Variants in ZNF780B observed in about 807,000 individuals in gnomAD.
ZNF780B encodes the protein zinc finger protein 780B.
ZNF780B carries 52 observed loss-of-function variants against 74.1 expected under a neutral mutation model. The ratio of observed to expected loss-of-function variants is 0.70; its 90% confidence interval spans 0.56 to 0.88. ZNF780B has a LOEUF of 0.88. ZNF780B is among the 40% of genes least tolerant of loss of function. ZNF780B has a pLI of 0.00. For missense variants in ZNF780B, 953 were observed against 1,007.6 expected (o/e 0.95, Z 0.73); for synonymous variants, 315 against 324.3 (o/e 0.97, Z 0.31).
At chr19:40,036,785 G>A (rs1046269533) in intron 4 of ZNF780B, among the ~76,000 whole-genome samples, 159 bp from the exon 5 acceptor site, 1 of 152,212 alleles carries the variant, frequency 6.6e-6, no homozygotes, top group Non-Finnish European at 1.5e-5. Context: ...TAAGATGGTG[G>A]TGTGCATAAG....
rs1972030932 is a variant in ZNF780B at position 40,032,147 on chromosome 19, A to G, written c.*2210T>C. On this transcript the variant is annotated 3_prime_UTR_variant, in exon 5 of 5. Transcript: ENST00000434248. ...GCCAACAACATTTCTGGGCTACTCA[A>G]AATTCAATGTCATTTTTTTAAAATG... 4.6e-6 allele frequency: 2 copies of G among 436,392 alleles called. No individual in the cohort carries two copies. The highest frequency in any genetic ancestry group is 2.8e-5 in the Admixed American group (1 of 36,062). 27.0% of individuals were successfully genotyped at this position (436,392 alleles called of 1,614,324 possible).
Position 40,036,340 on chromosome 19 carries a change from G to C in ZNF780B, c.519C>G (p.Tyr173Ter), listed in dbSNP as rs982972162. ...KPYECKECGK[Y>*]FSCGSNLIQH... ...GAATAAGATTTGAACCACAACTAAA[G>C]TATTTCCCACATTCCTTACATTCAT... Residue 173 changes from tyrosine to a stop codon, truncating the protein, a stop_gained, in exon 5 of 5, where the codon TAC (tyrosine) becomes TAG (stop). Transcript: ENST00000434248. LOFTEE classifies it high-confidence loss of function. 1 of 1,613,754 alleles carries C rather than the reference G, an allele frequency of 6.2e-7. No homozygotes were observed. The highest frequency in any genetic ancestry group is 8.5e-7 in the Non-Finnish European group (1 of 1,179,904).
intron 4 of ZNF780B, among the ~76,000 whole-genome samples, chr19:40,046,377 T>G (rs2144797798): frequency 6.6e-6 from 1 of 152,302 alleles, no homozygotes; most frequent in South Asian, 2.1e-4. Context: ...CCCATAAATA[T>G]GTACAAATAT....
In ZNF780B at chr19:40,035,761, G is replaced by A. The variant is rs367849717; in HGVS notation, c.1098C>T (p.Cys366=). The A allele has an allele frequency of 1.2e-5, 19 of 1,613,304 alleles. No homozygotes were observed. The highest frequency in any genetic ancestry group is 8.9e-5 in the East Asian group (4 of 44,812). Residue 366 remains cysteine (C), a synonymous_variant, in exon 5 of 5, where the codon TGC becomes TGT. Coordinates refer to ENST00000434248, the MANE Select transcript of ZNF780B (RefSeq NM_001005851.3). ...MGEKPFECRE[C]GKAFSLLNQL... ...GATTGAGGAGACTAAAGGCCTTCCC[G>A]CATTCCCTGCATTCAAAGGGCTTCT...
At chr19:40,048,911 T>A in intron 2 of ZNF780B, 115 bp from the exon 3 acceptor site, 1 of 1,476,766 alleles carries the variant, frequency 6.8e-7, no homozygotes, top group Non-Finnish European at 9.2e-7. Context: ...AATCGCAGAG[T>A]GCCTACACAT....
chr19:40,047,622 G>A (rs1187182943), intron 3 of ZNF780B, 152 bp from the exon 4 acceptor site: 3 of 373,388 alleles, frequency 8.0e-6, no homozygotes, highest in Admixed American at 4.9e-5. Flanking sequence ...GATCAACTAT[G>A]TTTAAAAAAA....
rs747049438 is a variant in ZNF780B at position 40,035,031 on chromosome 19, C to T, written c.1828G>A (p.Glu610Lys). ...LIRHQKFHTG[E>K]KPFECKECGK... Reference sequence around the variant, plus strand: ...CATTCCTTACATTCAAAGGGCTTCTCACCAGTATGAAATTTCTGATGTCGA... The same window carrying T: ...CATTCCTTACATTCAAAGGGCTTCTTACCAGTATGAAATTTCTGATGTCGA... Residue 610 changes from glutamate (E) to lysine (K), a missense_variant, in exon 5 of 5, where the codon GAG (glutamate) becomes AAG (lysine). By Grantham distance (56) the Glu-to-Lys change is moderately conservative (BLOSUM62 1). Coordinates refer to ENST00000434248, the MANE Select transcript of ZNF780B (RefSeq NM_001005851.3). The T allele has an allele frequency of 1.4e-5, 22 of 1,614,042 alleles. No individual in the cohort carries two copies. Among genetic ancestry groups the T allele is most frequent in the Non-Finnish European group, 1.5e-5 (18 of 1,180,020 alleles).
intron 4 of ZNF780B, among the ~76,000 whole-genome samples, chr19:40,038,330 T>C (rs1323777964): frequency 6.6e-6 from 1 of 152,116 alleles, no homozygotes; most frequent in East Asian, 1.9e-4. Context: ...GACATTTGGG[T>C]TGGTTCCAAG....
chr19:40,046,065 T>C (rs1287050276), intron 4 of ZNF780B, among the ~76,000 whole-genome samples: 2 of 151,768 alleles, frequency 1.3e-5, no homozygotes, highest in Non-Finnish European at 2.9e-5. Context: ...AGGTAAAGAA[T>C]AGAATGATAG....
chr19:40,046,169 C>T (rs1403352671), intron 4 of ZNF780B, among the ~76,000 whole-genome samples: 1 of 152,026 alleles, frequency 6.6e-6, no homozygotes, highest in Non-Finnish European at 1.5e-5. Context: ...TGAGGAATGA[C>T]TTCTAATGTT....
rs1351930255 is a variant in ZNF780B at position 40,035,849 on chromosome 19, T to G, written c.1010A>C (p.Glu337Ala). 6.2e-7 allele frequency: 1 copy of G among 1,613,874 alleles called. No individual in the cohort carries two copies. Among genetic ancestry groups the G allele is most frequent in the African/African-American group, 1.3e-5 (1 of 74,860 alleles). The part of the protein sequence containing the change: ...HTGEKPFECK[E>A]CRKAFTLLTK... ...CAGAAGAGTAAAGGCCTTTCTGCATTCTTTACATTCAAAGGGTTTCTCGCC... is the reference window on the plus strand; with the variant it reads ...CAGAAGAGTAAAGGCCTTTCTGCATGCTTTACATTCAAAGGGTTTCTCGCC... Residue 337 changes from glutamate to alanine, a missense_variant, in exon 5 of 5, where the codon GAA becomes GCA. Physicochemically the swap from Glu to Ala is moderately radical, Grantham distance 107. Transcript: ENST00000434248.
chr19:40,050,847 G>C (rs1973193902), intron 1 of ZNF780B, among the ~76,000 whole-genome samples: 1 of 152,252 alleles, frequency 6.6e-6, no homozygotes, highest in South Asian at 2.1e-4. Flanking sequence ...AACTGGAAAG[G>C]ATATAGACAG....
chr19:40,034,619 T>C lies in ZNF780B; in HGVS notation c.2240A>G (p.His747Arg). The C allele has an allele frequency of 1.2e-6, 2 of 1,614,028 alleles. No homozygotes were observed. Among genetic ancestry groups the C allele is most frequent in the Non-Finnish European group, 1.7e-6 (2 of 1,179,986 alleles). The part of the protein sequence containing the change: ...LTQLAQHQII[H>R]TGEKPFKCKE... ...ACATTTAAATGGCTTCTCACCAGTATGAATGATCTGATGTTGAGCAAGCTG... is the reference window on the plus strand; with the variant it reads ...ACATTTAAATGGCTTCTCACCAGTACGAATGATCTGATGTTGAGCAAGCTG... Residue 747 changes from histidine (H) to arginine (R), a missense_variant, in exon 5 of 5, where the codon CAT becomes CGT. Transcript: ENST00000434248.
rs1045500165 is a variant in ZNF780B, at chr19:40,036,111, C to T, written c.748G>A (p.Glu250Lys). Residue 250 changes from glutamate (E) to lysine (K), a missense_variant, in exon 5 of 5, where the codon GAA becomes AAA. Coordinates refer to ENST00000434248, the MANE Select transcript of ZNF780B (RefSeq NM_001005851.3). Reference sequence around the variant, plus strand: ...AAAGACTTCCCACATTCCTTACATTCAAACAGTTTCTTAACTGTGTGAATG... The same window carrying T: ...AAAGACTTCCCACATTCCTTACATTTAAACAGTTTCTTAACTGTGTGAATG... ...KNIHTVKKLF[E>K]CKECGKSFNR... The T allele has an allele frequency of 6.2e-6, 10 of 1,613,594 alleles. No individual in the cohort carries two copies. The highest frequency in any genetic ancestry group is 8.5e-6 in the Non-Finnish European group (10 of 1,179,836).
At position 40,034,319 on chromosome 19, in the gene ZNF780B, T is replaced by C. The variant is rs1388284319; in HGVS notation, c.*38A>G. ...AATGTCCATGAAATTGGTAATGATA[T>C]TGAAAGGCCTTCCCACATTCCTTAC... On this transcript the variant is annotated 3_prime_UTR_variant, in exon 5 of 5. Coordinates refer to ENST00000434248, the MANE Select transcript of ZNF780B (RefSeq NM_001005851.3). 6.6e-7 allele frequency: 1 copy of C among 1,505,272 alleles called. No individual in the cohort carries two copies. The highest frequency in any genetic ancestry group is 1.4e-5 in the African/African-American group (1 of 71,964). The allele number at this position is 1,505,272 out of a possible 1,614,324, so 93.2% of individuals were successfully genotyped here.
chr19:40,054,964 G>A (rs764359882), intron 1 of ZNF780B, among the ~76,000 whole-genome samples: 2 of 152,234 alleles, frequency 1.3e-5, no homozygotes, highest in Non-Finnish European at 2.9e-5. Flanking sequence ...TCCTGACTCT[G>A]GTTGATACCA....
In ZNF780B at chr19:40,036,616, T is replaced by C. The variant is rs1972335292; in HGVS notation, c.243A>G (p.Ser81=). ...GAGATATTTTCTCAGGTCCATATTT[T>C]GACTCCAAATCTGAAAGAAATGAAG... The part of the protein sequence containing the change: ...ETSRWYPDLE[S]KYGPEKISPE... Residue 81 remains serine (S), a synonymous_variant, in exon 5 of 5, where the codon TCA becomes TCG. Transcript: ENST00000434248. 1.3e-6 allele frequency: 2 copies of C among 1,531,324 alleles called. No individual in the cohort carries two copies. The highest frequency in any genetic ancestry group is 4.6e-5 in the East Asian group (2 of 43,628). 94.9% of individuals were successfully genotyped at this position (1,531,324 alleles called of 1,614,324 possible).
In ZNF780B at chr19:40,030,833, T is replaced by C. The variant is rs1971977166; in HGVS notation, c.*3524A>G. 6.6e-6 allele frequency: 1 copy of C among 152,142 alleles called. No homozygotes were observed. Among genetic ancestry groups the C allele is most frequent in the Non-Finnish European group, 1.5e-5 (1 of 68,028 alleles). The allele number at this position is 152,142 out of a possible 1,614,324, so 9.4% of individuals were successfully genotyped here. A position where few individuals can be genotyped will look rare whatever the true frequency, so the allele number is the denominator to read the frequency against. Reference sequence around the variant, plus strand: ...CTAGGTTAATACCCAGGGACTCTGCTGATTTCAAAGAAGAAAGTTCAAGAG... The same window carrying C: ...CTAGGTTAATACCCAGGGACTCTGCCGATTTCAAAGAAGAAAGTTCAAGAG... On this transcript the variant is annotated 3_prime_UTR_variant, in exon 5 of 5. Transcript: ENST00000434248.
chr19:40,030,783 T>A lies in ZNF780B; in HGVS notation c.*3574A>T, dbSNP rs1271890406. 6.6e-6 allele frequency: 1 copy of A among 152,154 alleles called. No homozygotes were observed. The allele number at this position is 152,154 out of a possible 1,614,324, so 9.4% of individuals were successfully genotyped here. On this transcript the variant is annotated 3_prime_UTR_variant, in exon 5 of 5. Transcript: ENST00000434248. ...AACTCTTAATGATACTACCGGGATG[T>A]GCAATGACCCAGAAAGGAGTTGTGC...
Sources: gnomAD v4.1 joint callset for allele counts (sites outside exome capture counted in the v4.1 genomes callset) on GRCh38, gnomAD v4.1.1 for gene constraint, MANE v1.5 for transcripts, NCBI Gene and HGNC (gene_info 2026-07-23, HGNC 2026-07-21) for gene names.